The following SNX29 variants were observed in gnomAD, a reference collection of about 807,000 sequenced individuals.
The protein encoded by SNX29 is sorting nexin-29.
In SNX29, 78 loss-of-function variants were observed where a neutral mutation model predicts 102.1. The ratio of observed to expected loss-of-function variants is 0.76; its 90% CI spans 0.64 to 0.92. SNX29 has a LOEUF of 0.92. Ranked by LOEUF, SNX29 falls within the 40% of genes least tolerant of loss-of-function variation. The pLI is 0.00. For synonymous variants in SNX29, 580 were observed against 414.5 expected, an observed-to-expected ratio of 1.40 and a Z score of -4.85; for missense variants, 1,280 against 1,061.7, an observed-to-expected ratio of 1.21 and a Z score of -2.86.
intron 15 of SNX29, among the ~76,000 whole-genome samples, chr16:12,342,836 G>A (rs1215540957): frequency 6.6e-6 from 1 of 152,132 alleles, no homozygotes; most frequent in African/African-American, 2.4e-5. Flanking sequence ...GCTCACATTT[G>A]AGCACAGTCT....
intron 13 of SNX29, among the ~76,000 whole-genome samples, chr16:12,181,315 G>A (rs1421327652): frequency 1.3e-5 from 2 of 152,220 alleles, no homozygotes; most frequent in East Asian, 1.9e-4. Flanking sequence ...GGTTTTATAC[G>A]TTCTAGGGAG....
chr16:12,354,587 A>G (rs574077401), intron 15 of SNX29, among the ~76,000 whole-genome samples: 2 of 152,338 alleles, frequency 1.3e-5, no homozygotes, highest in African/African-American at 4.8e-5. Context: ...TAAGGCTCAC[A>G]TTTTGTGGGG....
rs146735136 is a variant in SNX29, at chr16:12,003,305, A to G, written c.122+262A>G. ...CTATTCTGAGGGAATTATTCGAGAT[A>G]CCTTTCCATATAAAGTTATTTTCAG... On this transcript the variant is annotated intron_variant, in intron 3 of 20. Transcript: ENST00000566228. Among the ~76,000 whole-genome samples, 12 of 152,304 alleles carry G rather than the reference A, an allele frequency of 7.9e-5. No individual in the cohort carries two copies. The East Asian group carries it at 2.3e-3, about 29-fold the overall frequency.
intron 16 of SNX29, among the ~76,000 whole-genome samples, chr16:12,364,838 G>T (rs1419897498): frequency 6.6e-6 from 1 of 152,134 alleles, no homozygotes; most frequent in East Asian, 1.9e-4. Flanking sequence ...TGGAACCACT[G>T]CCCTGACTCC....
chr16:12,527,634 C>G (rs971317878), intron 20 of SNX29, among the ~76,000 whole-genome samples: 2 of 152,056 alleles, frequency 1.3e-5, no homozygotes, highest in Non-Finnish European at 2.9e-5. Flanking sequence ...AAGTGAGGCT[C>G]AAAGGGGCGA....
chr16:12,429,573 A>G (rs2085228681), intron 18 of SNX29, among the ~76,000 whole-genome samples: 1 of 152,194 alleles, frequency 6.6e-6, no homozygotes, highest in African/African-American at 2.4e-5. Flanking sequence ...TTGGCCCTGC[A>G]TCTGCTTTTT....
At chr16:12,046,259 A>C (rs1179327332) in intron 5 of SNX29, 125 bp from the exon 6 acceptor site, 4 of 898,160 alleles carry the variant, frequency 4.5e-6, no homozygotes, top group Non-Finnish European at 7.1e-6. Context: ...GACCTCAGAC[A>C]AATCATATCC....
Position 12,109,142 on chromosome 16 carries a change from A to AG in SNX29, c.1403-17491_1403-17490insG, listed in dbSNP as rs1567213728. Among the ~76,000 whole-genome samples the AG allele has an allele frequency of 2.7e-4, 40 of 150,022 alleles. 3 individuals carry two copies. The highest frequency in any genetic ancestry group is 8.4e-4 in the African/African-American group (34 of 40,448). On this transcript the variant is annotated intron_variant, in intron 11 of 20. Coordinates refer to ENST00000566228, the MANE Select transcript of SNX29 (RefSeq NM_032167.5). ...GGCGCTGTCTCAAAAAAAAAAAAAA[A>AG]AAAAAAAAAAAAAGAAAAGGAATTT...
At chr16:12,073,486 G>A (rs2051397826) in intron 10 of SNX29, among the ~76,000 whole-genome samples, 1 of 152,186 alleles carries the variant, frequency 6.6e-6, no homozygotes, top group African/African-American at 2.4e-5. Context: ...GCGGTTTTGA[G>A]TGAGTTTCTT....
At chr16:12,540,337 AAGAGGAACGT>A (rs1415528272) in intron 20 of SNX29, among the ~76,000 whole-genome samples, 1 of 152,152 alleles carries the variant, frequency 6.6e-6, no homozygotes, top group African/African-American at 2.4e-5. Flanking sequence ...CTTATGATTA[AAGAGGAACGT>A]TATCCCCTGT....
rs2079204591 is a variant in SNX29 at position 12,572,330 on chromosome 16, C to T, written c.*3701C>T. The T allele has an allele frequency of 2.3e-5, 24 of 1,063,218 alleles. No individual in the cohort carries two copies. The highest frequency in any genetic ancestry group is 4.5e-5 in the South Asian group (1 of 21,980). 65.9% of individuals were successfully genotyped at this position (1,063,218 alleles called of 1,614,324 possible). On this transcript the variant is annotated 3_prime_UTR_variant, in exon 21 of 21. Coordinates refer to ENST00000566228, the MANE Select transcript of SNX29 (RefSeq NM_032167.5). The stretch of plus-strand genomic sequence containing the variant: ...CCAGGTTGGAAACAGGAGTGAAGCC[C>T]ACCAGCCTGCCTGGTTGATGGACAG...
chr16:12,459,539 C>T (rs896752709), intron 18 of SNX29, among the ~76,000 whole-genome samples: 11 of 152,168 alleles, frequency 7.2e-5, no homozygotes, highest in Admixed American at 3.3e-4. Flanking sequence ...AACCACTGTT[C>T]GCACGGAGGC....
chr16:12,550,511 G>A (rs865825580), intron 20 of SNX29, among the ~76,000 whole-genome samples: 2 of 147,248 alleles, frequency 1.4e-5, no homozygotes, highest in South Asian at 2.2e-4. Flanking sequence ...TTCCAGTCTG[G>A]GAGACACAGT....
intron 9 of SNX29, among the ~76,000 whole-genome samples, chr16:12,063,980 A>G (rs2050903289): frequency 6.6e-6 from 1 of 151,908 alleles, no homozygotes; most frequent in Non-Finnish European, 1.5e-5. Flanking sequence ...GCTGGGAGAG[A>G]GCAGGTGGTC....
chr16:12,312,793 A>G (rs1406303701), intron 15 of SNX29, among the ~76,000 whole-genome samples: 3 of 152,072 alleles, frequency 2.0e-5, no homozygotes, highest in Non-Finnish European at 4.4e-5. Flanking sequence ...ATTTACTGTT[A>G]GGCAATGGAG....
At chr16:12,141,076 T>C (rs993199600) in intron 13 of SNX29, among the ~76,000 whole-genome samples, 5 of 152,218 alleles carry the variant, frequency 3.3e-5, no homozygotes, top group African/African-American at 1.2e-4. Context: ...TTCTCATGGA[T>C]GAGTTTTGAT....
intron 2 of SNX29, among the ~76,000 whole-genome samples, chr16:12,001,388 C>G (rs2056282080): frequency 6.6e-6 from 1 of 152,206 alleles, no homozygotes; most frequent in African/African-American, 2.4e-5. Context: ...GCTGGGATTA[C>G]AGACGTGAGC....
intron 13 of SNX29, among the ~76,000 whole-genome samples, chr16:12,139,979 T>TGAAAAAAAAAAAAAAA (rs144110763): frequency 1.6e-5 from 1 of 63,070 alleles, no homozygotes; most frequent in African/African-American, 6.5e-5. Flanking sequence ...ATACCCTGTC[T>TGAAAAAAAAAAAAAAA]CAAAAAAAAA....
At chr16:12,009,453 G>A (rs1004513032) in intron 3 of SNX29, among the ~76,000 whole-genome samples, 1 of 133,692 alleles carries the variant, frequency 7.5e-6, no homozygotes, top group Non-Finnish European at 1.6e-5. Context: ...ATGTGTGTGT[G>A]TATATATGTG....
Sources: gnomAD v4.1 joint callset for allele counts (sites outside exome capture counted in the v4.1 genomes callset) on GRCh38, gnomAD v4.1.1 for gene constraint, MANE v1.5 for transcripts, NCBI Gene and HGNC (gene_info 2026-07-23, HGNC 2026-07-21) for gene names.